The following APOL3 variants were observed in gnomAD, a reference collection of about 807,000 sequenced individuals.
APOL3 encodes apolipoprotein L3, also known as TNF-inducible protein CG12-1.
Under a neutral mutation model 11.6 loss-of-function variants are expected in APOL3, and 14 were observed. The ratio of observed to expected loss-of-function variants is 1.21; its 90% CI spans 0.80 to 1.89. The LOEUF is 1.89. Among genes scored for constraint, APOL3 ranks in the 40% most tolerant of loss-of-function variants. The probability of loss-of-function intolerance (pLI) is 0.00; values close to 1 mark genes in which losing one functional copy is unlikely to be tolerated. For synonymous variants in APOL3, 192 were observed against 190.6 expected (o/e 1.01, Z -0.06); for missense variants, 483 against 492.1 (o/e 0.98, Z 0.17).
upstream of APOL3, among the ~76,000 whole-genome samples, chr22:36,162,804 T>C (rs57970118): frequency 2.6e-5 from 4 of 152,350 alleles, no homozygotes; most frequent in East Asian, 7.7e-4. Flanking sequence ...TTCCTGGTAA[T>C]ATCTTAGTGC....
chr22:36,147,508 C>T (rs369275777), intron 1 of APOL3, among the ~76,000 whole-genome samples: 14 of 152,276 alleles, frequency 9.2e-5, no homozygotes, highest in African/African-American at 2.2e-4. Flanking sequence ...TGGTAGGTCC[C>T]GGCTTCTAAT....
rs531583975 is a variant in APOL3 at position 36,149,501 on chromosome 22, T to A, written c.224-3902A>T. On this transcript the variant is annotated intron_variant, in intron 1 of 2. Coordinates refer to ENST00000349314, the Ensembl canonical transcript of APOL3. ...TGACAATGACCTGGGCCTGGCAACA[T>A]GTGTGATAACTAATTGATAATAGCC... 47 of 778,466 alleles carry A rather than the reference T, an allele frequency of 6.0e-5. 1 individual carries two copies. In the South Asian group the frequency reaches 6.8e-4, roughly 11 times the overall value. The allele number at this position is 778,466 out of a possible 1,614,324, so 48.2% of individuals were successfully genotyped here. A position where few individuals can be genotyped will look rare whatever the true frequency, so the allele number is the denominator to read the frequency against.
Position 36,141,493 on chromosome 22 carries a change from G to A in APOL3, c.916C>T (p.Arg306Ter), listed in dbSNP as rs765471353. ...ATTCGCCAGGTGGTCACAGGGAGTC[G>A]GGCCCTGGCTCTGGCTTGCCTGATG... is the stretch of plus-strand genomic sequence containing the variant. The change falls in exon 3 of 3, where the codon CGA (arginine) becomes TGA (stop). Residue 306 changes from arginine (R) to a stop codon, truncating the protein, a stop_gained. Transcript: ENST00000349314. LOFTEE classifies it low-confidence loss of function (END_TRUNC). 9.3e-6 allele frequency: 15 copies of A among 1,614,164 alleles called. No homozygotes were observed. The South Asian group carries it at 9.9e-5, about 11-fold the overall frequency.
chr22:36,162,078 T>C (rs2013735829), upstream of APOL3, among the ~76,000 whole-genome samples: 1 of 152,212 alleles, frequency 6.6e-6, no homozygotes, highest in South Asian at 2.1e-4. Flanking sequence ...TTTGATCATA[T>C]AGCCTCCAGT....
chr22:36,145,980 T>TTCTCTCTCTGTCTCTCTCTC (rs2060192277), intron 1 of APOL3, among the ~76,000 whole-genome samples: 2 of 118,708 alleles, frequency 1.7e-5, no homozygotes, highest in Non-Finnish European at 3.5e-5. Flanking sequence ...CTGTCTCTCT[T>TTCTCTCTCTGTCTCTCTCTC]TCTCTCTCTC....
intron 1 of APOL3, chr22:36,146,350 G>C (rs916013846): frequency 2.0e-5 from 3 of 151,670 alleles, no homozygotes; most frequent in African/African-American, 7.3e-5. Flanking sequence ...ATATTCCAGT[G>C]ATCGCTTCCT....
intron 1 of APOL3, 36 bp downstream of exon 1, chr22:36,160,626 TGAGGATG>T (rs2013612474): frequency 6.3e-7 from 1 of 1,595,754 alleles, no homozygotes; most frequent in Admixed American, 1.7e-5. Context: ...AGAGCTGCTG[TGAGGATG>T]GGGAGATGGG....
intron 1 of APOL3, among the ~76,000 whole-genome samples, chr22:36,151,591 A>G (rs1200373490): frequency 5.9e-5 from 9 of 152,226 alleles, no homozygotes; most frequent in Non-Finnish European, 8.8e-5. Flanking sequence ...TGACAGAAAA[A>G]GAAAAAAACA....
chr22:36,149,980 A>G, intron 1 of APOL3: 1 of 438,900 alleles, frequency 2.3e-6, no homozygotes, highest in Non-Finnish European at 4.6e-6. Flanking sequence ...CACATTAAAA[A>G]AAAATTTTTT....
chr22:36,156,113 A>AT (rs879393286), intron 1 of APOL3: 531 of 154,398 alleles, frequency 3.4e-3, no homozygotes, highest in African/African-American at 6.1e-3. Flanking sequence ...TATTTTCAAT[A>AT]TTTTTTTTTT....
upstream of APOL3, among the ~76,000 whole-genome samples, chr22:36,163,495 T>C (rs2013784615): frequency 6.6e-6 from 1 of 152,224 alleles, no homozygotes; most frequent in African/African-American, 2.4e-5. Flanking sequence ...TTTTCCTTTT[T>C]CTTTTGAACA....
intron 2 of APOL3, among the ~76,000 whole-genome samples, chr22:36,143,066 T>C (rs529000199): frequency 1.3e-5 from 2 of 152,330 alleles, no homozygotes; most frequent in African/African-American, 4.8e-5. Flanking sequence ...CTCCTCACCC[T>C]GGTGTTGGCT....
At chr22:36,142,533 A>G (rs537370331) in intron 2 of APOL3, among the ~76,000 whole-genome samples, 1 of 152,328 alleles carries the variant, frequency 6.6e-6, no homozygotes, top group African/African-American at 2.4e-5. Context: ...GGGCCCTGGA[A>G]TGTCCTGCCT....
intron 1 of APOL3, 65 bp downstream of exon 1, chr22:36,160,604 C>A (rs773940148): frequency 2.1e-5 from 33 of 1,538,666 alleles, no homozygotes; most frequent in Admixed American, 5.0e-5. Flanking sequence ...AGGTGAATGA[C>A]CCTTCTCTTA....
intron 1 of APOL3, 111 bp from the exon 2 acceptor site, chr22:36,149,253 A>G: frequency 7.7e-7 from 1 of 1,305,500 alleles, no homozygotes; most frequent in Non-Finnish European, 1.0e-6. Context: ...AAATGCCAAG[A>G]CCAACCTAGC....
At chr22:36,147,749 G>A (rs2146793678) in intron 1 of APOL3, among the ~76,000 whole-genome samples, 1 of 152,336 alleles carries the variant, frequency 6.6e-6, no homozygotes, top group South Asian at 2.1e-4. Context: ...GGAACCTCCA[G>A]CACTAGATCT....
chr22:36,160,751 A>G lies in APOL3; in HGVS notation c.141T>C (p.Tyr47=), dbSNP rs370068925. 3.7e-6 allele frequency: 6 copies of G among 1,614,118 alleles called. No individual in the cohort carries two copies. In the South Asian group the frequency reaches 5.5e-5, roughly 15 times the overall value. The change falls in exon 1 of 3, where the codon TAT becomes TAC. Residue 47 remains tyrosine, a synonymous_variant. The change abolishes an upstream ATG in the 5' untranslated region. Coordinates refer to ENST00000349314, the Ensembl canonical transcript of APOL3. ...ATCCCACCTCCAGCCGTGCATCTGCATAATAACCAGACACGTTCTCCAGGC... is the reference window on the plus strand; with the variant it reads ...ATCCCACCTCCAGCCGTGCATCTGCGTAATAACCAGACACGTTCTCCAGGC...
rs559804356 is a variant in APOL3, at chr22:36,143,059, C to T, written c.351-1001G>A. ...GTCAGAACTGGTCCATCTCCCACTC[C>T]TCACCCTGGTGTTGGCTGTGACTCC... On this transcript the variant is annotated intron_variant, in intron 2 of 2. Coordinates refer to ENST00000349314, the Ensembl canonical transcript of APOL3. Among the ~76,000 whole-genome samples, 14 of 152,340 alleles carry T rather than the reference C, an allele frequency of 9.2e-5. No individual in the cohort carries two copies. In the East Asian group the frequency reaches 2.3e-3, roughly 25 times the overall value.
chr22:36,161,067 C>T (rs2013667852), upstream of APOL3: 5 of 618,652 alleles, frequency 8.1e-6, no homozygotes, highest in Non-Finnish European at 1.4e-5. Flanking sequence ...CTCCCCACCC[C>T]CAATAACACC....
Sources: gnomAD v4.1 joint callset for allele counts (sites outside exome capture counted in the v4.1 genomes callset) on GRCh38, gnomAD v4.1.1 for gene constraint, MANE v1.5 for transcripts, NCBI Gene and HGNC (gene_info 2026-07-23, HGNC 2026-07-21) for gene names.